The following SMAD3 variants were observed in gnomAD, a reference collection of about 807,000 sequenced individuals.
SMAD3 encodes the protein MAD homolog 3.
SMAD3 carries 12 observed loss-of-function variants against 51.8 expected under a neutral mutation model. The observed-to-expected ratio is 0.23, with a 90% CI of 0.15 to 0.38. The LOEUF (loss-of-function observed/expected upper bound fraction) is 0.38. SMAD3 is among the 10% of genes least tolerant of loss of function. The pLI is 1.00. For missense variants in SMAD3, 294 were observed against 565.6 expected, an observed-to-expected ratio of 0.52 and a Z score of 4.87; for synonymous variants, 238 against 227.7, an observed-to-expected ratio of 1.05 and a Z score of -0.41.
intron 1 of SMAD3, among the ~76,000 whole-genome samples, chr15:67,109,986 C>G (rs549172858): frequency 5.3e-5 from 8 of 152,220 alleles, no homozygotes; most frequent in South Asian, 2.1e-4. Context: ...AAATAGAACC[C>G]CAGCCCATTA....
rs968624366 is a variant in SMAD3, at chr15:67,191,945, GAA to G, written c.*1414_*1415del. On this transcript the variant is annotated 3_prime_UTR_variant, in exon 9 of 9. Coordinates refer to ENST00000327367, the MANE Select transcript of SMAD3 (RefSeq NM_005902.4). ...TCTAAATTATTTCAACTGGAAAAAAGAAAAAAGAGTCCTCTTCTTTTCCCAGC... is the reference window on the plus strand; with the variant it reads ...TCTAAATTATTTCAACTGGAAAAAAGAAAAGAGTCCTCTTCTTTTCCCAGC... The G allele has an allele frequency of 1.8e-5, 4 of 228,344 alleles. No individual in the cohort carries two copies. Among genetic ancestry groups the G allele is most frequent in the Non-Finnish European group, 3.5e-5 (4 of 114,718 alleles). 14.1% of individuals were successfully genotyped at this position (228,344 alleles called of 1,614,324 possible).
rs770243847 is a variant in SMAD3 at position 67,194,745 on chromosome 15, C to A, written c.*4209C>A. On this transcript the variant is annotated 3_prime_UTR_variant, in exon 9 of 9. Coordinates refer to ENST00000327367, the MANE Select transcript of SMAD3 (RefSeq NM_005902.4). The stretch of plus-strand genomic sequence containing the variant: ...CAAACCAGGCTGGCTAAACAAGTGG[C>A]CGCGTGTAAAAACAGACAGCTCTGA... The A allele has an allele frequency of 4.3e-6, 1 of 232,378 alleles. No homozygotes were observed. The highest frequency in any genetic ancestry group is 8.5e-6 in the Non-Finnish European group (1 of 117,158). 14.4% of individuals were successfully genotyped at this position (232,378 alleles called of 1,614,324 possible).
At chr15:67,089,458 G>A (rs1464334749) in intron 1 of SMAD3, among the ~76,000 whole-genome samples, 1 of 152,176 alleles carries the variant, frequency 6.6e-6, no homozygotes, top group East Asian at 1.9e-4. Context: ...GCCCTGGGTG[G>A]AGACATGGCA....
intron 1 of SMAD3, among the ~76,000 whole-genome samples, chr15:67,078,478 A>G (rs1420267270): frequency 6.6e-6 from 1 of 152,232 alleles, no homozygotes. Flanking sequence ...CCATAGCAGG[A>G]TGTATGTTTA....
At chr15:67,154,350 T>C (rs866448680) in intron 1 of SMAD3, among the ~76,000 whole-genome samples, 1 of 152,210 alleles carries the variant, frequency 6.6e-6, no homozygotes, top group African/African-American at 2.4e-5. Flanking sequence ...TTTTAGTGAC[T>C]GGTATCAAGG....
intron 1 of SMAD3, among the ~76,000 whole-genome samples, chr15:67,067,791 G>A (rs900491264): frequency 1.3e-5 from 2 of 152,188 alleles, no homozygotes; most frequent in Admixed American, 1.3e-4. Flanking sequence ...GTGTGATCGG[G>A]AGCCAGAATT....
chr15:67,080,398 A>G lies in SMAD3; in HGVS notation c.206+14038A>G, dbSNP rs191013243. ...CTGAAGGGAAAGGAGGTGGAGGTCA[A>G]GGTCAGGTGTGTATGGAGCAGGTGG... is the stretch of plus-strand genomic sequence containing the variant. On this transcript the variant is annotated intron_variant, in intron 1 of 8. Coordinates refer to ENST00000327367, the MANE Select transcript of SMAD3 (RefSeq NM_005902.4). 2.4e-4 allele frequency among the ~76,000 whole-genome samples: 37 copies of G among 152,298 alleles called. No homozygotes were observed. In the East Asian group the frequency reaches 5.4e-3, roughly 22 times the overall value.
chr15:67,105,773 A>G (rs1040015660), intron 1 of SMAD3, among the ~76,000 whole-genome samples: 20 of 152,294 alleles, frequency 1.3e-4, no homozygotes, highest in African/African-American at 4.8e-4. Context: ...GAAGCAACGC[A>G]GGGCCTGCTA....
At chr15:67,166,710 T>C in intron 3 of SMAD3, 69 bp from the exon 4 acceptor site, 1 of 1,042,952 alleles carries the variant, frequency 9.6e-7, no homozygotes, top group Non-Finnish European at 1.5e-6. Flanking sequence ...GTGTGATGTC[T>C]TTGCAAAAGG....
chr15:67,076,749 G>T (rs1960179349), intron 1 of SMAD3, among the ~76,000 whole-genome samples: 1 of 152,222 alleles, frequency 6.6e-6, no homozygotes, highest in Non-Finnish European at 1.5e-5. Flanking sequence ...ATGCTCAGAG[G>T]CCTGACCCTT....
chr15:67,102,372 A>G (rs1357863244), intron 1 of SMAD3, among the ~76,000 whole-genome samples: 1 of 152,084 alleles, frequency 6.6e-6, no homozygotes, highest in Non-Finnish European at 1.5e-5. Context: ...TTCCCTTTTG[A>G]AACTTGTTAT....
intron 1 of SMAD3, among the ~76,000 whole-genome samples, chr15:67,068,490 T>C (rs1055841461): frequency 6.6e-6 from 1 of 152,318 alleles, no homozygotes; most frequent in Non-Finnish European, 1.5e-5. Flanking sequence ...TCTTCCAAAG[T>C]CCTGCTGAGA....
Position 67,066,329 on chromosome 15 carries a change from A to G in SMAD3, c.175A>G (p.Asn59Asp), listed in dbSNP as rs745387614. 8 of 1,613,274 alleles carry G rather than the reference A, an allele frequency of 5.0e-6. No homozygotes were observed. Among genetic ancestry groups the G allele is most frequent in the Non-Finnish European group, 6.8e-6 (8 of 1,179,740 alleles). The stretch of plus-strand genomic sequence containing the variant: ...GCTGGAGAAGGCCATCACCACGCAG[A>G]ACGTCAACACCAAGTGCATCACCAT... ...DELEKAITTQ[N>D]VNTKCITIPR... Residue 59 changes from asparagine to aspartate, a missense_variant, in exon 1 of 9, where the codon AAC becomes GAC. By Grantham distance (23) the Asn-to-Asp change is conservative (BLOSUM62 1). Coordinates refer to ENST00000327367, the MANE Select transcript of SMAD3 (RefSeq NM_005902.4).
intron 1 of SMAD3, among the ~76,000 whole-genome samples, chr15:67,121,784 A>G (rs74776232): frequency 6.6e-6 from 1 of 152,256 alleles, no homozygotes; most frequent in Non-Finnish European, 1.5e-5. Context: ...TGCTTAAAAA[A>G]AAATCTCTAC....
intron 1 of SMAD3, among the ~76,000 whole-genome samples, chr15:67,164,006 C>A (rs1962503150): frequency 7.0e-6 from 1 of 142,968 alleles, no homozygotes; most frequent in Non-Finnish European, 1.5e-5. Context: ...CTGCTCACCA[C>A]AAATAACTAA....
intron 1 of SMAD3, chr15:67,137,973 C>T: frequency 7.6e-7 from 1 of 1,323,662 alleles, no homozygotes; most frequent in African/African-American, 1.5e-5. Flanking sequence ...GCTGTATTGT[C>T]CTTATCATCA....
chr15:67,174,713 G>C (rs1962843050), intron 5 of SMAD3: 1 of 152,238 alleles, frequency 6.6e-6, no homozygotes, highest in African/African-American at 2.4e-5. Flanking sequence ...CAAGCACACA[G>C]GGAGCTCTTC....
chr15:67,155,787 A>G (rs1294987664), intron 1 of SMAD3, among the ~76,000 whole-genome samples: 1 of 152,138 alleles, frequency 6.6e-6, no homozygotes, highest in Non-Finnish European at 1.5e-5. Flanking sequence ...GGAGTTCAAG[A>G]CCAGCCTGGC....
chr15:67,085,045 G>A (rs115407294), intron 1 of SMAD3, among the ~76,000 whole-genome samples: 1,702 of 152,268 alleles, frequency 0.011, 10 homozygotes, highest in Middle Eastern at 0.017. Flanking sequence ...GATTATGATC[G>A]ACTAGGATGC....
Sources: allele counts gnomAD v4.1 joint callset (sites outside exome capture counted in the v4.1 genomes callset), GRCh38; gene constraint gnomAD v4.1.1; transcripts MANE v1.5; gene names NCBI Gene and HGNC (gene_info 2026-07-23, HGNC 2026-07-21).